The following ZFX variants were observed in gnomAD, a reference collection of about 807,000 sequenced individuals.
The protein encoded by ZFX is zinc finger protein X-linked.
For synonymous variants in ZFX, 196 were observed against 226.8 expected (o/e 0.86, Z 1.22); for missense variants, 362 against 628.3 (o/e 0.58, Z 4.53).
chrX:24,155,214 T>A (rs1932685230), intron 3 of ZFX, among the ~76,000 whole-genome samples: 1 of 112,097 alleles, frequency 8.9e-6, no homozygotes, highest in Non-Finnish European at 1.9e-5. Context: ...CTTTTAAATA[T>A]CTCAGTTTTA....
chrX:24,165,185 A>T (rs1933884333), intron 3 of ZFX, among the ~76,000 whole-genome samples: 1 of 112,143 alleles, frequency 8.9e-6, no homozygotes, highest in African/African-American at 3.2e-5. Context: ...CAGTGGCATG[A>T]ATTTGGCTCA....
In ZFX at chrX:24,210,340, G is replaced by A. The variant is rs761543769; in HGVS notation, c.1382G>A (p.Cys461Tyr). 2 of 1,211,846 alleles carry A rather than the reference G, an allele frequency of 1.7e-6. No homozygotes were observed. The highest frequency in any genetic ancestry group is 2.2e-6 in the Non-Finnish European group (2 of 895,624). The change falls in exon 10 of 10, where the codon TGT (cysteine) becomes TAT (tyrosine). Residue 461 changes from cysteine to tyrosine, a missense_variant. By Grantham distance (194) the Cys-to-Tyr change is radical. Transcript: ENST00000304543. Reference sequence around the variant, plus strand: ...AAGAAGAAATACCGCTGTACTGACTGTGATTACACTACCAACAAGAAGATA... The same window carrying A: ...AAGAAGAAATACCGCTGTACTGACTATGATTACACTACCAACAAGAAGATA... ...LAKKKYRCTDCDYTTNKKISL... is the reference protein window; with the variant it reads ...LAKKKYRCTDYDYTTNKKISL...
chrX:24,180,245 C>G, intron 5 of ZFX, among the ~76,000 whole-genome samples: 1 of 109,715 alleles, frequency 9.1e-6, no homozygotes, highest in East Asian at 2.9e-4. Context: ...AAAAAAAAAG[C>G]TGAAACAAAC....
At chrX:24,163,534 C>T (rs1388986515) in intron 3 of ZFX, among the ~76,000 whole-genome samples, 3 of 104,888 alleles carry the variant, frequency 2.9e-5, no homozygotes, top group Non-Finnish European at 3.9e-5. Context: ...CGAGCAACCA[C>T]GCCCAGCTAA....
chrX:24,210,752 G>A lies in ZFX; in HGVS notation c.1794G>A (p.Lys598=). ...SSNLKTHVKT[K]HSKEMPFKCD... is the part of the protein sequence containing the mutation. ...ACTTGAAAACGCATGTCAAAACTAA[G>A]CATAGTAAAGAGATGCCATTCAAGT... Residue 598 remains lysine (K), a synonymous_variant, in exon 10 of 10, where the codon AAG becomes AAA. Transcript: ENST00000304543. 8.3e-7 allele frequency: 1 copy of A among 1,211,547 alleles called. No individual in the cohort carries two copies. The highest frequency in any genetic ancestry group is 1.1e-6 in the Non-Finnish European group (1 of 895,522).
At chrX:24,160,624 G>A (rs1403247414) in intron 3 of ZFX, among the ~76,000 whole-genome samples, 1 of 111,648 alleles carries the variant, frequency 9.0e-6, no homozygotes, top group Non-Finnish European at 1.9e-5. Context: ...ATGGGGTAGA[G>A]TGATTATGTA....
chrX:24,178,579 G>A (rs1306735857), intron 4 of ZFX, among the ~76,000 whole-genome samples: 3 of 100,453 alleles, frequency 3.0e-5, no homozygotes, highest in South Asian at 5.5e-4. Context: ...CTGAGCCAGC[G>A]CGCCTGGCCT....
intron 1 of ZFX, chrX:24,150,151 G>A (rs1428318230): frequency 1.5e-4 from 15 of 99,449 alleles, no homozygotes; most frequent in African/African-American, 4.8e-4. Flanking sequence ...CAGGCCGGCC[G>A]GGCCGATTTT....
chrX:24,154,378 T>G (rs935087209), intron 3 of ZFX, among the ~76,000 whole-genome samples: 1 of 111,825 alleles, frequency 8.9e-6, no homozygotes, highest in Non-Finnish European at 1.9e-5. Context: ...ATATCAGGTA[T>G]TGCTTGTGTG....
rs1352920775 is a variant in ZFX, at chrX:24,155,868, T to G, written c.-29+3038T>G. On this transcript the variant is annotated intron_variant, in intron 3 of 9. Transcript: ENST00000304543. Reference sequence around the variant, plus strand: ...TTCATTTTTCTGTTGGATTGTTGCCTCCTCCTTATTGGTATATGGGTTTTA... The same window carrying G: ...TTCATTTTTCTGTTGGATTGTTGCCGCCTCCTTATTGGTATATGGGTTTTA... 1.6e-4 allele frequency among the ~76,000 whole-genome samples: 18 copies of G among 112,510 alleles called. No individual in the cohort carries two copies. The Admixed American group carries it at 1.7e-3, about 11-fold the overall frequency.
rs1023308902 is a variant in ZFX, at chrX:24,211,835, C to T, written c.*459C>T. ...CTACTAATATAAATGGGAGATTTTA[C>T]AGTCAGGTCTAATTATCATAACATG... On this transcript the variant is annotated 3_prime_UTR_variant, in exon 10 of 10. Transcript: ENST00000304543. The T allele has an allele frequency of 6.0e-5, 7 of 117,437 alleles. No individual in the cohort carries two copies. The highest frequency in any genetic ancestry group is 1.2e-4 in the Non-Finnish European group (7 of 56,612). The allele number at this position is 117,437 out of a possible 1,213,427, so 9.7% of individuals were successfully genotyped here.
intron 5 of ZFX, among the ~76,000 whole-genome samples, chrX:24,184,532 AGCATATCAG>A (rs1935950248): frequency 9.0e-6 from 1 of 110,906 alleles, no homozygotes; most frequent in African/African-American, 3.3e-5. Context: ...CAATTTACTC[AGCATATCAG>A]GTTCTTGTAT....
At chrX:24,150,256 G>A (rs1187555251) in intron 1 of ZFX, 4 of 104,137 alleles carry the variant, frequency 3.8e-5, no homozygotes, top group Non-Finnish European at 8.0e-5. Context: ...GGGGTTGCCG[G>A]GAGGGGGAGC....
chrX:24,187,745 C>T (rs1936240404), intron 5 of ZFX, among the ~76,000 whole-genome samples: 1 of 111,869 alleles, frequency 8.9e-6, no homozygotes, highest in South Asian at 3.7e-4. Flanking sequence ...GCGAACCTCA[C>T]TAGGGGTTGG....
intron 3 of ZFX, among the ~76,000 whole-genome samples, chrX:24,163,306 C>G (rs1321207739): frequency 1.6e-5 from 1 of 62,543 alleles, no homozygotes. Context: ...TTTGCGGATA[C>G]TTGACTTGGG....
chrX:24,191,714 TCC>T (rs1569154618), intron 5 of ZFX, among the ~76,000 whole-genome samples: 23 of 109,001 alleles, frequency 2.1e-4, no homozygotes, highest in African/African-American at 7.7e-4. Flanking sequence ...TTTTTTTTTT[TCC>T]GAGATGGAGT....
At position 24,172,885 on chromosome X, in the gene ZFX, A is replaced by G. The variant is rs1934755920; in HGVS notation, c.58+85A>G. On this transcript the variant is annotated intron_variant, in intron 4 of 9. Transcript: ENST00000304543. ...ATGAATTGCTAGAACTCTCACATTG[A>G]TCATTCACAGGTTATCTTGTTATCC... is the stretch of plus-strand genomic sequence containing the variant. 5.3e-6 allele frequency: 5 copies of G among 945,143 alleles called. No homozygotes were observed. The Admixed American group carries it at 1.2e-4, about 23-fold the overall frequency. 77.9% of individuals were successfully genotyped at this position (945,143 alleles called of 1,213,427 possible). A position where few individuals can be genotyped will look rare whatever the true frequency, so the allele number is the denominator to read the frequency against.
chrX:24,193,568 G>A (rs147148859), intron 5 of ZFX, among the ~76,000 whole-genome samples: 6,500 of 111,598 alleles, frequency 0.058, 512 homozygotes, highest in African/African-American at 0.2. Flanking sequence ...ATTTTGTTAT[G>A]TAAACTATAT....
At chrX:24,203,021 G>C (rs1937400225) in intron 5 of ZFX, among the ~76,000 whole-genome samples, 1 of 112,063 alleles carries the variant, frequency 8.9e-6, no homozygotes, top group Non-Finnish European at 1.9e-5. Flanking sequence ...CTGGTTCTTA[G>C]GGCTTTTCAG....
Sources: gnomAD v4.1 joint callset for allele counts (sites outside exome capture counted in the v4.1 genomes callset) on GRCh38, gnomAD v4.1.1 for gene constraint, MANE v1.5 for transcripts, NCBI Gene and HGNC (gene_info 2026-07-23, HGNC 2026-07-21) for gene names.